The following VOPP1 variants were observed in gnomAD, a reference collection of about 807,000 sequenced individuals.
VOPP1 encodes the protein VOPP1 WW domain binding protein.
A neutral mutation model predicts 23.5 loss-of-function variants in VOPP1; 8 were observed. The ratio of observed to expected loss-of-function variants is 0.34; its 90% CI spans 0.20 to 0.61. The LOEUF is 0.61. Ranked by LOEUF, VOPP1 falls within the 20% of genes least tolerant of loss-of-function variation. The pLI is 0.78. For synonymous variants in VOPP1, 83 were observed against 97.3 expected (o/e 0.85, Z 0.86); for missense variants, 174 against 238.1 (o/e 0.73, Z 1.77).
intron 1 of VOPP1, among the ~76,000 whole-genome samples, chr7:55,568,081 CTTTT>C (rs60284804): frequency 2.4e-5 from 3 of 124,040 alleles, no homozygotes; most frequent in Admixed American, 8.9e-5. Flanking sequence ...ACAACTATTC[CTTTT>C]TTTTTTTTTT....
At chr7:55,572,095 C>A (rs941038911) in intron 1 of VOPP1, among the ~76,000 whole-genome samples, 176 bp downstream of exon 1, 2 of 151,990 alleles carry the variant, frequency 1.3e-5, no homozygotes, top group African/African-American at 4.8e-5. Context: ...GGAGCCTCCC[C>A]GTCACCAGGG....
At chr7:55,555,170 G>A (rs1337643344) in intron 1 of VOPP1, among the ~76,000 whole-genome samples, 1 of 152,202 alleles carries the variant, frequency 6.6e-6, no homozygotes, top group Non-Finnish European at 1.5e-5. Context: ...AGAACTTGGA[G>A]AAGTAGTGGA....
chr7:55,494,136 A>C (rs1397885001), intron 3 of VOPP1, among the ~76,000 whole-genome samples: 3 of 152,198 alleles, frequency 2.0e-5, no homozygotes, highest in African/African-American at 7.2e-5. Context: ...GGAGACCCAA[A>C]CCGTTCAGGA....
chr7:55,493,397 G>A (rs1402535030), intron 3 of VOPP1, among the ~76,000 whole-genome samples: 1 of 152,224 alleles, frequency 6.6e-6, no homozygotes, highest in Admixed American at 6.5e-5. Context: ...AGAGCGGGTC[G>A]CAGTCAGTGG....
chr7:55,528,312 T>C (rs1000613207), intron 1 of VOPP1, among the ~76,000 whole-genome samples: 18 of 152,256 alleles, frequency 1.2e-4, no homozygotes, highest in Non-Finnish European at 2.9e-5. Context: ...CAACTAATTA[T>C]GTTTCAGTTG....
At chr7:55,455,408 A>G (rs903566681) in intron 4 of VOPP1, among the ~76,000 whole-genome samples, 1 of 152,204 alleles carries the variant, frequency 6.6e-6, no homozygotes, top group East Asian at 1.9e-4. Flanking sequence ...TGCAGTCCCT[A>G]TCAAGCTACC....
At chr7:55,511,990 A>T (rs1795100163) in intron 2 of VOPP1, among the ~76,000 whole-genome samples, 1 of 152,238 alleles carries the variant, frequency 6.6e-6, no homozygotes, top group African/African-American at 2.4e-5. Flanking sequence ...TTCAATAGTT[A>T]AACAAAACAA....
chr7:55,565,422 C>G (rs1186552263), intron 1 of VOPP1, among the ~76,000 whole-genome samples: 1 of 152,222 alleles, frequency 6.6e-6, no homozygotes, highest in Non-Finnish European at 1.5e-5. Flanking sequence ...CACCCAGAAT[C>G]TCTGTAATTG....
chr7:55,481,691 G>C (rs1437724524), intron 4 of VOPP1, among the ~76,000 whole-genome samples: 1 of 152,208 alleles, frequency 6.6e-6, no homozygotes, highest in Admixed American at 6.5e-5. Flanking sequence ...ACAAACTGCA[G>C]GTGTCCTACT....
At chr7:55,502,841 G>A (rs1794461690) in intron 2 of VOPP1, among the ~76,000 whole-genome samples, 1 of 152,186 alleles carries the variant, frequency 6.6e-6, no homozygotes, top group Non-Finnish European at 1.5e-5. Context: ...AGATCAGGAT[G>A]GAGAAAACAG....
intron 1 of VOPP1, among the ~76,000 whole-genome samples, chr7:55,567,633 C>G (rs555351092): frequency 6.6e-6 from 1 of 152,214 alleles, no homozygotes; most frequent in Non-Finnish European, 1.5e-5. Flanking sequence ...CTGGGCCCAA[C>G]GCCCACAGGC....
intron 4 of VOPP1, among the ~76,000 whole-genome samples, chr7:55,480,926 A>T (rs775970704): frequency 3.3e-5 from 5 of 152,266 alleles, no homozygotes; most frequent in Non-Finnish European, 5.9e-5. Context: ...GAGCAAGGTA[A>T]GAAAAATAGG....
In VOPP1 at chr7:55,476,982, C is replaced by T. The variant is rs189466973; in HGVS notation, c.329-3937G>A. Among the ~76,000 whole-genome samples the T allele has an allele frequency of 2.6e-5, 4 of 152,320 alleles. No homozygotes were observed. The East Asian group carries it at 7.7e-4, about 29-fold the overall frequency. The stretch of plus-strand genomic sequence containing the variant: ...CTGGATCCGGTCTGCCCTCTCTGGG[C>T]CCTCACTAGATAACATATCCCAGGC... On this transcript the variant is annotated intron_variant, in intron 4 of 4. Transcript: ENST00000285279.
At chr7:55,568,962 G>GAAC (rs763695145) in intron 1 of VOPP1, among the ~76,000 whole-genome samples, 9 of 152,088 alleles carry the variant, frequency 5.9e-5, no homozygotes, top group Admixed American at 3.3e-4. Context: ...AGCATTTTAT[G>GAAC]AACCAAAAAG....
intron 1 of VOPP1, among the ~76,000 whole-genome samples, chr7:55,550,642 C>A (rs1226583539): frequency 6.6e-6 from 1 of 152,154 alleles, no homozygotes; most frequent in East Asian, 1.9e-4. Flanking sequence ...ATGTCAGGGG[C>A]ACTCGCGAGT....
At chr7:55,564,125 G>A (rs1214714377) in intron 1 of VOPP1, among the ~76,000 whole-genome samples, 2 of 152,154 alleles carry the variant, frequency 1.3e-5, no homozygotes, top group African/African-American at 4.8e-5. Context: ...TGGCTTCACA[G>A]CTTCACTCAC....
chr7:55,455,065 T>A (rs908405462), intron 4 of VOPP1, among the ~76,000 whole-genome samples: 1 of 152,180 alleles, frequency 6.6e-6, no homozygotes, highest in Non-Finnish European at 1.5e-5. Flanking sequence ...AACCCCATTG[T>A]CTCAGCCCAC....
intron 1 of VOPP1, among the ~76,000 whole-genome samples, chr7:55,569,604 A>G (rs539509491): frequency 6.6e-6 from 1 of 152,286 alleles, no homozygotes; most frequent in Non-Finnish European, 1.5e-5. Context: ...AATGAAGATA[A>G]AAGTAATTGC....
intron 2 of VOPP1, among the ~76,000 whole-genome samples, chr7:55,503,244 T>C (rs1203025691): frequency 1.3e-5 from 2 of 152,094 alleles, no homozygotes. Flanking sequence ...TAAAAGGAAA[T>C]GTATGTCTGA....
Sources: allele counts gnomAD v4.1 joint callset (sites outside exome capture counted in the v4.1 genomes callset), GRCh38; gene constraint gnomAD v4.1.1; transcripts MANE v1.5; gene names NCBI Gene and HGNC (gene_info 2026-07-23, HGNC 2026-07-21).